TNNI3K: variants seen among roughly 807,000 people sequenced by gnomAD.
TNNI3K encodes the protein TNNI3 interacting kinase.
A neutral mutation model predicts 114.5 loss-of-function variants in TNNI3K; 140 were observed. The observed-to-expected ratio is 1.22, with a 90% confidence interval of 1.07 to 1.41. The LOEUF is 1.41. TNNI3K is among the 40% of genes most tolerant of loss of function. The probability of loss-of-function intolerance (pLI) is 0.00; values close to 1 mark genes in which losing one functional copy is unlikely to be tolerated. For missense variants in TNNI3K, 1,125 were observed against 1,007.6 expected (o/e 1.12, Z -1.58); for synonymous variants, 347 against 347.5 (o/e 1.00, Z 0.02).
chr1:74,332,566 C>A (rs1166788621), intron 6 of TNNI3K, among the ~76,000 whole-genome samples: 1 of 152,102 alleles, frequency 6.6e-6, no homozygotes, highest in Non-Finnish European at 1.5e-5. Flanking sequence ...TCCTGAAGTC[C>A]TGGGATTACA....
intron 17 of TNNI3K, among the ~76,000 whole-genome samples, chr1:74,432,144 A>C (rs142130324): frequency 3.9e-5 from 6 of 152,120 alleles, no homozygotes; most frequent in Non-Finnish European, 7.4e-5. Context: ...TAAGTATAGT[A>C]TAAGTTAACC....
At chr1:74,442,395 C>T (rs948142916) in intron 20 of TNNI3K, among the ~76,000 whole-genome samples, 1 of 152,024 alleles carries the variant, frequency 6.6e-6, no homozygotes, top group Non-Finnish European at 1.5e-5. Context: ...TAATGTGAAT[C>T]CTCCAACTTT....
chr1:74,258,857 A>G (rs1655494312), intron 4 of TNNI3K, among the ~76,000 whole-genome samples: 1 of 152,114 alleles, frequency 6.6e-6, no homozygotes, highest in Admixed American at 6.6e-5. Context: ...TTCCCTTTCT[A>G]CTTTACTCTC....
At chr1:74,264,614 A>T (rs762783061) in intron 4 of TNNI3K, among the ~76,000 whole-genome samples, 2 of 152,108 alleles carry the variant, frequency 1.3e-5, no homozygotes, top group African/African-American at 4.8e-5. Flanking sequence ...CCAGAAACTT[A>T]GTTTTCTTTC....
intron 11 of TNNI3K, among the ~76,000 whole-genome samples, chr1:74,362,613 T>G (rs911118548): frequency 6.6e-6 from 1 of 152,148 alleles, no homozygotes; most frequent in African/African-American, 2.4e-5. Context: ...CTTGAATAAT[T>G]ATAAAGCATC....
At chr1:74,517,784 T>C (rs1048267017) in intron 23 of TNNI3K, among the ~76,000 whole-genome samples, 2 of 152,258 alleles carry the variant, frequency 1.3e-5, no homozygotes, top group African/African-American at 4.8e-5. Flanking sequence ...GCTCTCAAAA[T>C]TGAAAATGCA....
At chr1:74,539,722 T>A (rs1389946752) in intron 23 of TNNI3K, among the ~76,000 whole-genome samples, 1 of 152,092 alleles carries the variant, frequency 6.6e-6, no homozygotes, top group Non-Finnish European at 1.5e-5. Flanking sequence ...TTTTGTTATC[T>A]ATAAAATAAG....
At chr1:74,421,819 C>T (rs768497585) in intron 17 of TNNI3K, among the ~76,000 whole-genome samples, 3 of 152,006 alleles carry the variant, frequency 2.0e-5, no homozygotes, top group Non-Finnish European at 4.4e-5. Flanking sequence ...GCACTCTTAA[C>T]ATGGAATGGC....
chr1:74,521,989 G>A (rs1179392200), intron 23 of TNNI3K, among the ~76,000 whole-genome samples: 1 of 152,122 alleles, frequency 6.6e-6, no homozygotes, highest in Admixed American at 6.6e-5. Context: ...TCCAGGTAGA[G>A]TAAAAAAAAT....
In TNNI3K at chr1:74,399,120, T is replaced by C. The variant is rs1471502435; in HGVS notation, c.1772+28728T>C. On this transcript the variant is annotated intron_variant, in intron 17 of 24. Coordinates refer to ENST00000326637, the MANE Select transcript of TNNI3K (RefSeq NM_015978.3). ...GCAGTGAGCCGCCCAGATCATGCCA[T>C]TGCACTCGAGCCTGGGCAACAAGAG... Among the ~76,000 whole-genome samples, 3 of 143,754 alleles carry C rather than the reference T, an allele frequency of 2.1e-5. No homozygotes were observed. In the East Asian group the frequency reaches 6.1e-4, roughly 29 times the overall value. The allele number at this position is 143,754 out of a possible 152,430, so 94.3% of individuals were successfully genotyped here.
chr1:74,248,949 T>G (rs946054477), intron 2 of TNNI3K, among the ~76,000 whole-genome samples: 13 of 152,164 alleles, frequency 8.5e-5, no homozygotes, highest in Admixed American at 2.6e-4. Context: ...CAGCAAACCT[T>G]CAGAGAGGCA....
At chr1:74,423,112 C>T (rs1004087463) in intron 17 of TNNI3K, among the ~76,000 whole-genome samples, 1 of 152,016 alleles carries the variant, frequency 6.6e-6, no homozygotes, top group African/African-American at 2.4e-5. Flanking sequence ...CATCCTTTCA[C>T]GCTTCAGCTT....
chr1:74,378,594 T>TTATA (rs58113455), intron 17 of TNNI3K: 1,916 of 77,204 alleles, frequency 0.025, 84 homozygotes, highest in Non-Finnish European at 0.034. Context: ...CAGTTTAATT[T>TTATA]TATATATATA....
rs768358453 is a variant in TNNI3K at position 74,353,292 on chromosome 1, A to G, written c.959A>G (p.Asp320Gly). ...GCTTGTACCTATGGCAAGAGCATTG[A>G]CCTAGTCAAATTTCTTCTTGATCAG... ...HSACTYGKSIDLVKFLLDQNV... is the reference protein window; with the variant it reads ...HSACTYGKSIGLVKFLLDQNV... Residue 320 changes from aspartate (D) to glycine (G), a missense_variant, in exon 10 of 25, where the codon GAC becomes GGC. Asp to Gly is a moderately conservative substitution (Grantham distance 94). Coordinates refer to ENST00000326637, the MANE Select transcript of TNNI3K (RefSeq NM_015978.3). The G allele has an allele frequency of 2.5e-6, 4 of 1,613,232 alleles. No homozygotes were observed. In the African/African-American group the frequency reaches 5.4e-5, roughly 22 times the overall value.
At chr1:74,255,222 C>T (rs893585386) in intron 4 of TNNI3K, among the ~76,000 whole-genome samples, 1 of 151,352 alleles carries the variant, frequency 6.6e-6, no homozygotes, top group Non-Finnish European at 1.5e-5. Flanking sequence ...GGCGTAGTGG[C>T]GGGCGCCTGT....
chr1:74,416,735 G>A (rs1190620389), intron 17 of TNNI3K, among the ~76,000 whole-genome samples: 2 of 151,242 alleles, frequency 1.3e-5, no homozygotes, highest in African/African-American at 2.4e-5. Flanking sequence ...ATTTAATTTT[G>A]TCATATTTAC....
intron 5 of TNNI3K, among the ~76,000 whole-genome samples, chr1:74,275,397 C>T (rs948957117): frequency 6.6e-6 from 1 of 152,076 alleles, no homozygotes; most frequent in Non-Finnish European, 1.5e-5. Flanking sequence ...TGGGGGAAAC[C>T]ACCCCTATGA....
chr1:74,303,128 A>G (rs561820576), intron 5 of TNNI3K, among the ~76,000 whole-genome samples: 4 of 152,334 alleles, frequency 2.6e-5, no homozygotes, highest in South Asian at 2.1e-4. Flanking sequence ...CCCATGCTCT[A>G]TGAATGGAAC....
At chr1:74,247,377 T>A (rs547433915) in intron 2 of TNNI3K, among the ~76,000 whole-genome samples, 1 of 152,162 alleles carries the variant, frequency 6.6e-6, no homozygotes, top group African/African-American at 2.4e-5. Flanking sequence ...TCATGGTGAG[T>A]GTTACAGCTT....
Sources: gnomAD v4.1 joint callset for allele counts (sites outside exome capture counted in the v4.1 genomes callset) on GRCh38, gnomAD v4.1.1 for gene constraint, MANE v1.5 for transcripts, NCBI Gene and HGNC (gene_info 2026-07-23, HGNC 2026-07-21) for gene names.